ZNF804A: variants seen among roughly 807,000 people sequenced by gnomAD.
ZNF804A encodes the protein zinc finger protein 804A.
A neutral mutation model predicts 16.5 loss-of-function variants in ZNF804A; 2 were observed. The ratio of observed to expected loss-of-function variants is 0.12; its 90% CI spans 0.05 to 0.38. The LOEUF (loss-of-function observed/expected upper bound fraction) is 0.38. Ranked by LOEUF, ZNF804A falls within the 10% of genes least tolerant of loss-of-function variation. The pLI is 0.99. For missense variants in ZNF804A, 1,473 were observed against 1,390.7 expected, an observed-to-expected ratio of 1.06 and a Z score of -0.94; for synonymous variants, 534 against 489.6, an observed-to-expected ratio of 1.09 and a Z score of -1.20.
intron 2 of ZNF804A, among the ~76,000 whole-genome samples, chr2:184,895,017 A>G (rs1013502350): frequency 7.9e-5 from 12 of 152,258 alleles, no homozygotes; most frequent in African/African-American, 2.9e-4. Context: ...TACTGTATCT[A>G]TTTCCTTTGC....
At chr2:184,887,574 G>C (rs2105820694) in intron 2 of ZNF804A, among the ~76,000 whole-genome samples, 1 of 152,308 alleles carries the variant, frequency 6.6e-6, no homozygotes, top group African/African-American at 2.4e-5. Flanking sequence ...GTTCCAAATA[G>C]CTGGTGAGGT....
At chr2:184,917,328 T>C (rs759236666) in intron 2 of ZNF804A, among the ~76,000 whole-genome samples, 1 of 152,176 alleles carries the variant, frequency 6.6e-6, no homozygotes, top group African/African-American at 2.4e-5. Flanking sequence ...TTTAAAGTCA[T>C]TGGGTAATGT....
intron 1 of ZNF804A, among the ~76,000 whole-genome samples, chr2:184,637,524 G>A (rs1691721041): frequency 6.6e-6 from 1 of 151,966 alleles, no homozygotes. Context: ...ACATTTTAGT[G>A]TTTTCATCTG....
At chr2:184,703,689 C>CAAAAAAAA (rs10593157) in intron 1 of ZNF804A, among the ~76,000 whole-genome samples, 5 of 56,388 alleles carry the variant, frequency 8.9e-5, no homozygotes, top group Non-Finnish European at 1.3e-4. Context: ...GACTCCGGTT[C>CAAAAAAAA]AAAAAAAAAA....
At chr2:184,714,239 T>C (rs1693179823) in intron 1 of ZNF804A, among the ~76,000 whole-genome samples, 2 of 151,996 alleles carry the variant, frequency 1.3e-5, no homozygotes, top group South Asian at 4.1e-4. Context: ...CCCTCTTACT[T>C]TGCTTTCTGT....
At chr2:184,644,666 A>G (rs565004734) in intron 1 of ZNF804A, among the ~76,000 whole-genome samples, 1 of 152,078 alleles carries the variant, frequency 6.6e-6, no homozygotes, top group East Asian at 1.9e-4. Context: ...TATGTAAATG[A>G]AGATAAGACA....
At position 184,752,311 on chromosome 2, in the gene ZNF804A, A is replaced by C. The variant is rs376301256; in HGVS notation, c.112-114058A>C. 2.6e-5 allele frequency among the ~76,000 whole-genome samples: 4 copies of C among 151,716 alleles called. No individual in the cohort carries two copies. The East Asian group carries it at 7.7e-4, about 29-fold the overall frequency. On this transcript the variant is annotated intron_variant, in intron 1 of 3. Transcript: ENST00000302277. ...ATACTACACAGCGACAAAAATAATA[A>C]AATTATGTTCTTTGCAGGAGCATGG...
chr2:184,932,932 A>T (rs1238796758), intron 2 of ZNF804A, among the ~76,000 whole-genome samples: 4 of 152,066 alleles, frequency 2.6e-5, no homozygotes, highest in Non-Finnish European at 5.9e-5. Flanking sequence ...AACAATACCA[A>T]TTTTCTTCCA....
chr2:184,904,959 A>T (rs1685247580), intron 2 of ZNF804A, among the ~76,000 whole-genome samples: 1 of 152,088 alleles, frequency 6.6e-6, no homozygotes, highest in Admixed American at 6.6e-5. Context: ...TAAATTTTTC[A>T]CTACTTAATA....
chr2:184,716,487 A>G (rs1693216045), intron 1 of ZNF804A, among the ~76,000 whole-genome samples: 1 of 152,150 alleles, frequency 6.6e-6, no homozygotes. Flanking sequence ...AAATTTTGCA[A>G]TATAGTAAGT....
chr2:184,748,784 A>C (rs1448514022), intron 1 of ZNF804A, among the ~76,000 whole-genome samples: 4 of 151,540 alleles, frequency 2.6e-5, no homozygotes, highest in Non-Finnish European at 3.0e-5. Flanking sequence ...GTAAGTGTCT[A>C]GTTTCGTTCT....
chr2:184,693,872 T>C (rs1040969163), intron 1 of ZNF804A, among the ~76,000 whole-genome samples: 1 of 150,074 alleles, frequency 6.7e-6, no homozygotes, highest in Non-Finnish European at 1.5e-5. Flanking sequence ...CCTAATCTCA[T>C]GAATACTCAA....
chr2:184,843,052 T>C lies in ZNF804A; in HGVS notation c.112-23317T>C, dbSNP rs114388735. ...GTTCAGTCAGAATAGCAGATGCTCT[T>C]GGTTTCCCATTCATACTCACAAGCA... On this transcript the variant is annotated intron_variant, in intron 1 of 3. Coordinates refer to ENST00000302277, the MANE Select transcript of ZNF804A (RefSeq NM_194250.2). Among the ~76,000 whole-genome samples, 1,137 of 152,208 alleles carry C rather than the reference T, an allele frequency of 7.5e-3. 16 individuals are homozygous for C. The highest frequency in any genetic ancestry group is 0.026 in the African/African-American group (1,080 of 41,530).
chr2:184,856,039 G>A (rs969977428), intron 1 of ZNF804A, among the ~76,000 whole-genome samples: 7 of 151,876 alleles, frequency 4.6e-5, no homozygotes, highest in Non-Finnish European at 7.4e-5. Flanking sequence ...TCTGAAGCAA[G>A]GTGATAATAA....
Position 184,660,902 on chromosome 2 carries a change from G to A in ZNF804A, c.111+61832G>A, listed in dbSNP as rs897969888. Among the ~76,000 whole-genome samples, 15 of 152,212 alleles carry A rather than the reference G, an allele frequency of 9.9e-5. No individual in the cohort carries two copies. In the South Asian group the frequency reaches 2.1e-3, roughly 21 times the overall value. On this transcript the variant is annotated intron_variant, in intron 1 of 3. Coordinates refer to ENST00000302277, the MANE Select transcript of ZNF804A (RefSeq NM_194250.2). The stretch of plus-strand genomic sequence containing the variant: ...ACTTGATATGATTTTCAGAACTATT[G>A]CTTTGGTAACTCTATTCTCATTAAT...
At chr2:184,860,503 A>G (rs2105808392) in intron 1 of ZNF804A, among the ~76,000 whole-genome samples, 1 of 152,338 alleles carries the variant, frequency 6.6e-6, no homozygotes, top group African/African-American at 2.4e-5. Flanking sequence ...CTAGGGCTGC[A>G]GGGGCCAGTG....
chr2:184,681,776 C>A (rs1240821060), intron 1 of ZNF804A, among the ~76,000 whole-genome samples: 1 of 152,178 alleles, frequency 6.6e-6, no homozygotes, highest in Non-Finnish European at 1.5e-5. Context: ...ATTAAAGGGG[C>A]AGGAGCCCCA....
intron 1 of ZNF804A, among the ~76,000 whole-genome samples, chr2:184,844,602 C>CTT (rs879612264): frequency 1.4e-5 from 2 of 146,266 alleles, no homozygotes; most frequent in African/African-American, 5.0e-5. Flanking sequence ...ATAGGTAACA[C>CTT]TTTTTTTTTT....
rs189286660 is a variant in ZNF804A, at chr2:184,821,766, T to A, written c.112-44603T>A. Among the ~76,000 whole-genome samples, 553 of 151,964 alleles carry A rather than the reference T, an allele frequency of 3.6e-3. 13 individuals carry two copies. Among genetic ancestry groups the A allele is most frequent in the Admixed American group, 0.031 (472 of 15,204 alleles). ...AAGTGGGCAAGAGTACATAAGCATA[T>A]ACTTCTCAAAAGAAGACATTTATGC... On this transcript the variant is annotated intron_variant, in intron 1 of 3. Transcript: ENST00000302277.
Sources: gnomAD v4.1 joint callset for allele counts (sites outside exome capture counted in the v4.1 genomes callset) on GRCh38, gnomAD v4.1.1 for gene constraint, MANE v1.5 for transcripts, NCBI Gene and HGNC (gene_info 2026-07-23, HGNC 2026-07-21) for gene names.